The following AIG1 variants were observed in gnomAD, a reference collection of about 807,000 sequenced individuals.
AIG1 encodes the protein androgen-induced gene 1 protein.
In AIG1, 23 loss-of-function variants were observed where a neutral mutation model predicts 31.4. The ratio of observed to expected loss-of-function variants is 0.73; its 90% CI spans 0.53 to 1.04. The LOEUF (loss-of-function observed/expected upper bound fraction) is 1.04, where lower values mean the gene tolerates loss of function less well. Ranked by LOEUF, AIG1 falls within the 50% of genes least tolerant of loss-of-function variation. AIG1 has a pLI of 0.00. For missense variants in AIG1, 274 were observed against 295.0 expected (o/e 0.93, Z 0.52); for synonymous variants, 100 against 110.5 (o/e 0.90, Z 0.60).
intron 1 of AIG1, among the ~76,000 whole-genome samples, chr6:143,098,612 C>G (rs933634051): frequency 1.3e-5 from 2 of 152,092 alleles, no homozygotes; most frequent in Non-Finnish European, 2.9e-5. Context: ...GAGCCCCAGT[C>G]TCTCTTGAGC....
intron 1 of AIG1, among the ~76,000 whole-genome samples, chr6:143,127,241 C>T (rs1456045071): frequency 6.6e-6 from 1 of 152,130 alleles, no homozygotes; most frequent in African/African-American, 2.4e-5. Flanking sequence ...CTTTATGACA[C>T]CAATAAATCT....
At chr6:143,196,386 CACACACA>C (rs1562481150) in intron 3 of AIG1, among the ~76,000 whole-genome samples, 10 of 151,428 alleles carry the variant, frequency 6.6e-5, no homozygotes, top group Admixed American at 3.3e-4. Context: ...CACACACACA[CACACACA>C]CACCCCAATT....
chr6:143,156,924 T>A (rs1200252082), intron 2 of AIG1, among the ~76,000 whole-genome samples: 1 of 152,204 alleles, frequency 6.6e-6, no homozygotes, highest in African/African-American at 2.4e-5. Context: ...AGGATGCAGC[T>A]AAGAATGGCC....
chr6:143,067,695 G>A (rs1204249886), intron 1 of AIG1, among the ~76,000 whole-genome samples: 1 of 152,160 alleles, frequency 6.6e-6, no homozygotes, highest in Non-Finnish European at 1.5e-5. Flanking sequence ...AAGAGATTCT[G>A]CATGTCATTA....
intron 5 of AIG1, chr6:143,337,972 T>C: frequency 2.5e-6 from 1 of 398,654 alleles, no homozygotes. Context: ...TCTGTCTACC[T>C]CACAGCTGCC....
intron 3 of AIG1, among the ~76,000 whole-genome samples, chr6:143,223,269 A>G (rs759883921): frequency 5.9e-5 from 9 of 152,170 alleles, no homozygotes; most frequent in Non-Finnish European, 1.3e-4. Flanking sequence ...CTACAAAATC[A>G]GAACGTTCCA....
chr6:143,220,868 A>G lies in AIG1; in HGVS notation c.399+55685A>G, dbSNP rs1219714457. Among the ~76,000 whole-genome samples, 6 of 152,290 alleles carry G rather than the reference A, an allele frequency of 3.9e-5. No individual in the cohort carries two copies. The South Asian group carries it at 1.2e-3, about 32-fold the overall frequency. The stretch of plus-strand genomic sequence containing the variant: ...CTTGAGCTAAAATCTACCACTATGC[A>G]TCTTTCACCCACTGATCTCAGTGTA... On this transcript the variant is annotated intron_variant, in intron 3 of 5. Coordinates refer to ENST00000357847, the MANE Select transcript of AIG1 (RefSeq NM_016108.4).
Position 143,292,529 on chromosome 6 carries a change from C to T in AIG1, c.515+8304C>T, listed in dbSNP as rs928998574. Among the ~76,000 whole-genome samples the T allele has an allele frequency of 3.3e-5, 5 of 152,124 alleles. No individual in the cohort carries two copies. The highest frequency in any genetic ancestry group is 6.5e-5 in the Admixed American group (1 of 15,278). On this transcript the variant is annotated intron_variant, in intron 4 of 5. Transcript: ENST00000357847. This position sits in a 1 kb window ranked among gnomAD's most constrained non-coding sequence, Gnocchi z 4.9. ...CGAAAAAGGCAAGGAAAGGGATTCT[C>T]CCCTAGGGCTTCCAGAAAGGAACTC...
chr6:143,125,095 G>A (rs549930771), intron 1 of AIG1, among the ~76,000 whole-genome samples: 2 of 152,198 alleles, frequency 1.3e-5, no homozygotes, highest in South Asian at 4.2e-4. Context: ...GCTCTTTAAT[G>A]ATATTTTTAG....
rs948530245 is a variant in AIG1, at chr6:143,334,309, C to G, written c.679+864C>G. Reference sequence around the variant, plus strand: ...ATTCTAGACATCCCCAGTAAATGGACTCTGTGACACAGACATTGAGCACCC... The same window carrying G: ...ATTCTAGACATCCCCAGTAAATGGAGTCTGTGACACAGACATTGAGCACCC... On this transcript the variant is annotated intron_variant, in intron 5 of 5. Transcript: ENST00000357847. The surrounding 1 kb of genome is among the most constrained non-coding windows in gnomAD (Gnocchi z 5.1). Among the ~76,000 whole-genome samples, 3 of 152,244 alleles carry G rather than the reference C, an allele frequency of 2.0e-5. No individual in the cohort carries two copies. Among genetic ancestry groups the G allele is most frequent in the Non-Finnish European group, 4.4e-5 (3 of 68,046 alleles).
At chr6:143,272,201 G>A (rs751180348) in intron 3 of AIG1, among the ~76,000 whole-genome samples, 1 of 152,106 alleles carries the variant, frequency 6.6e-6, no homozygotes, top group African/African-American at 2.4e-5. Context: ...CGAAAAAGAG[G>A]GATTAACTCC....
At chr6:143,215,927 A>G (rs1791994038) in intron 3 of AIG1, among the ~76,000 whole-genome samples, 1 of 152,176 alleles carries the variant, frequency 6.6e-6, no homozygotes, top group Non-Finnish European at 1.5e-5. Flanking sequence ...ATTCAAAAGC[A>G]GCCACAGACA....
chr6:143,276,305 A>G (rs1796900175), intron 3 of AIG1, among the ~76,000 whole-genome samples: 1 of 152,250 alleles, frequency 6.6e-6, no homozygotes, highest in Non-Finnish European at 1.5e-5. Context: ...AGAAGTGAGT[A>G]AATTCCAAAT....
intron 3 of AIG1, among the ~76,000 whole-genome samples, chr6:143,237,337 T>C (rs1793883842): frequency 6.6e-6 from 1 of 152,182 alleles, no homozygotes; most frequent in Admixed American, 6.5e-5. Context: ...TATTCTATAA[T>C]GTCTCATGAA....
intron 4 of AIG1, among the ~76,000 whole-genome samples, chr6:143,306,519 A>G (rs1799323725): frequency 6.6e-6 from 1 of 152,198 alleles, no homozygotes; most frequent in East Asian, 1.9e-4. Context: ...TTCTGGGTTG[A>G]ATATTGGCCC....
intron 3 of AIG1, among the ~76,000 whole-genome samples, chr6:143,191,664 T>C (rs746037955): frequency 1.3e-4 from 20 of 149,486 alleles, no homozygotes; most frequent in Non-Finnish European, 2.4e-4. Flanking sequence ...TGGGAAGGTA[T>C]GGGAAAGAAA....
intron 3 of AIG1, among the ~76,000 whole-genome samples, chr6:143,261,343 G>A (rs554544499): frequency 2.0e-5 from 3 of 152,292 alleles, no homozygotes; most frequent in East Asian, 3.9e-4. Context: ...TGTTGACCAA[G>A]CTGGTCTCGA....
chr6:143,130,441 G>A (rs1213881057), intron 1 of AIG1, among the ~76,000 whole-genome samples: 13 of 151,924 alleles, frequency 8.6e-5, no homozygotes, highest in Non-Finnish European at 2.9e-5. Context: ...TTGGGGCCAG[G>A]TGTGGTGGCT....
intron 1 of AIG1, among the ~76,000 whole-genome samples, chr6:143,123,456 C>G (rs1416654634): frequency 1.3e-5 from 2 of 152,044 alleles, no homozygotes; most frequent in Admixed American, 6.6e-5. Flanking sequence ...CCTTACTTTT[C>G]CTTATTGTTT....
Sources: gnomAD v4.1 joint callset for allele counts (sites outside exome capture counted in the v4.1 genomes callset) on GRCh38, gnomAD v4.1.1 for gene constraint, Gnocchi (gnomAD v3.1) non-coding constraint, MANE v1.5 for transcripts, NCBI Gene and HGNC (gene_info 2026-07-23, HGNC 2026-07-21) for gene names.